Variants in TMEM59 observed in about 807,000 individuals in gnomAD.
The protein encoded by TMEM59 is dendritic cell factor 1.
In TMEM59, 44 loss-of-function variants were observed where a neutral mutation model predicts 42.2. The observed-to-expected ratio is 1.04, with a 90% CI of 0.82 to 1.34. The LOEUF is 1.34. TMEM59 is among the 40% of genes most tolerant of loss of function. The pLI is 0.00. For missense variants in TMEM59, 359 were observed against 382.8 expected (o/e 0.94, Z 0.52); for synonymous variants, 148 against 145.8 (o/e 1.02, Z -0.11).
Position 54,036,656 on chromosome 1 carries a change from C to G in TMEM59, c.770G>C (p.Cys257Ser), listed in dbSNP as rs1321320759. The stretch of plus-strand genomic sequence containing the variant: ...CACAGCTGTAGCAACAGTTGCACAA[C>G]AAATCCAAAGCAATACCATCACCGA... Reference protein sequence around the residue: ...VLSVMVLLWICCATVATAVEQ... With the variant: ...VLSVMVLLWISCATVATAVEQ... The change falls in exon 7 of 8, where the codon TGT becomes TCT. Residue 257 changes from cysteine (C) to serine (S), a missense_variant. Cys to Ser is a moderately radical substitution (Grantham distance 112). Coordinates refer to ENST00000234831, the MANE Select transcript of TMEM59 (RefSeq NM_004872.5). 6.2e-7 allele frequency: 1 copy of G among 1,609,248 alleles called. No homozygotes were observed. The highest frequency in any genetic ancestry group is 8.5e-7 in the Non-Finnish European group (1 of 1,177,602).
At chr1:54,042,358 T>G (rs1402441448) in intron 4 of TMEM59, among the ~76,000 whole-genome samples, 1 of 152,134 alleles carries the variant, frequency 6.6e-6, no homozygotes, top group African/African-American at 2.4e-5. Flanking sequence ...ACACAGACTT[T>G]AGAGAGACAC....
intron 7 of TMEM59, among the ~76,000 whole-genome samples, chr1:54,035,972 C>T (rs1015459971): frequency 6.6e-6 from 1 of 152,148 alleles, no homozygotes; most frequent in African/African-American, 2.4e-5. Context: ...TTAATTTAAA[C>T]TATTAAGTGG....
At chr1:54,053,216 G>T, upstream of TMEM59, 1 of 1,607,994 alleles carries the variant, frequency 6.2e-7, no homozygotes. Flanking sequence ...CAGCAGCTCA[G>T]CTTGTTGCTG....
chr1:54,046,674 C>G (rs981585397), intron 2 of TMEM59, among the ~76,000 whole-genome samples: 2 of 152,184 alleles, frequency 1.3e-5, no homozygotes, highest in East Asian at 3.8e-4. Flanking sequence ...GTGCCTCCTT[C>G]TACACTAATA....
At chr1:54,041,110 TAATTA>T (rs1257830563) in intron 5 of TMEM59, among the ~76,000 whole-genome samples, 1 of 152,242 alleles carries the variant, frequency 6.6e-6, no homozygotes, top group African/African-American at 2.4e-5. Context: ...TATTCTAATC[TAATTA>T]AAGTTAAAGA....
chr1:54,042,600 G>A (rs1440774728), intron 4 of TMEM59, among the ~76,000 whole-genome samples: 1 of 152,150 alleles, frequency 6.6e-6, no homozygotes, highest in South Asian at 2.1e-4. Flanking sequence ...GTACTTAAAA[G>A]GTTTACTTTA....
chr1:54,042,042 C>A, intron 4 of TMEM59, among the ~76,000 whole-genome samples: 1 of 148,308 alleles, frequency 6.7e-6, no homozygotes, highest in African/African-American at 2.5e-5. Flanking sequence ...AACTTCCTGA[C>A]AACGTTTTGT....
rs759242570 is a variant in TMEM59, at chr1:54,030,842, T to TA, written c.*1307dup. On this transcript the variant is annotated 3_prime_UTR_variant, in exon 8 of 8. Transcript: ENST00000234831. Reference sequence around the variant, plus strand: ...TAGGCCATAGGAGGAGTGACTAACTTATTCTTTAGTCAAACAGCACTGATG... The same window carrying TA: ...TAGGCCATAGGAGGAGTGACTAACTTAATTCTTTAGTCAAACAGCACTGATG... 2.0e-5 allele frequency: 3 copies of TA among 152,246 alleles called. No individual in the cohort carries two copies. Among genetic ancestry groups the TA allele is most frequent in the Non-Finnish European group, 4.4e-5 (3 of 68,044 alleles). 9.4% of individuals were successfully genotyped at this position (152,246 alleles called of 1,614,324 possible).
intron 5 of TMEM59, 88 bp from the exon 6 acceptor site, chr1:54,040,925 G>T: frequency 9.8e-7 from 1 of 1,018,526 alleles, no homozygotes; most frequent in Non-Finnish European, 1.5e-6. Context: ...ACACTTTACA[G>T]ATATCCAATT....
intron 1 of TMEM59, among the ~76,000 whole-genome samples, chr1:54,050,058 AT>A (rs2100335678): frequency 6.6e-6 from 1 of 152,284 alleles, no homozygotes; most frequent in African/African-American, 2.4e-5. Context: ...AAAAATAACT[AT>A]TTACAAACAG....
chr1:54,037,454 G>A (rs978891906), intron 6 of TMEM59, among the ~76,000 whole-genome samples: 1 of 152,170 alleles, frequency 6.6e-6, no homozygotes, highest in African/African-American at 2.4e-5. Flanking sequence ...TTGAACTCAT[G>A]GGCGCAAGCC....
At chr1:54,049,598 C>T (rs1450031942) in intron 1 of TMEM59, among the ~76,000 whole-genome samples, 1 of 152,124 alleles carries the variant, frequency 6.6e-6, no homozygotes, top group Non-Finnish European at 1.5e-5. Context: ...GTTTATATAA[C>T]ATGTATCTCC....
intron 6 of TMEM59, among the ~76,000 whole-genome samples, chr1:54,039,608 C>T (rs1023926544): frequency 2.0e-5 from 3 of 151,970 alleles, no homozygotes; most frequent in Admixed American, 1.3e-4. Flanking sequence ...ATGATAAAAC[C>T]TCTCAAGAAA....
intron 6 of TMEM59, among the ~76,000 whole-genome samples, chr1:54,039,532 T>C (rs922069450): frequency 6.6e-6 from 1 of 152,228 alleles, no homozygotes; most frequent in East Asian, 1.9e-4. Context: ...TTTTCTCACA[T>C]AGTCTTTAAA....
intron 4 of TMEM59, 126 bp downstream of exon 4, chr1:54,043,247 G>A: frequency 1.2e-6 from 1 of 860,920 alleles, no homozygotes; most frequent in East Asian, 3.5e-5. Context: ...GGCCAAATAA[G>A]TAATTATTAT....
At chr1:54,040,431 G>A (rs1392293104) in intron 6 of TMEM59, among the ~76,000 whole-genome samples, 1 of 152,142 alleles carries the variant, frequency 6.6e-6, no homozygotes, top group Non-Finnish European at 1.5e-5. Context: ...GGGATTACAG[G>A]CATGAGCCAC....
At chr1:54,032,328 A>G (rs542570472) in intron 7 of TMEM59, 23 bp from the exon 8 acceptor site, 7 of 1,549,794 alleles carry the variant, frequency 4.5e-6, no homozygotes, top group Middle Eastern at 1.9e-4. Context: ...ACCAATGTAC[A>G]TTAGTAGTCT....
chr1:54,045,187 T>C (rs116050768), intron 3 of TMEM59, among the ~76,000 whole-genome samples: 2,297 of 152,260 alleles, frequency 0.015, 57 homozygotes, highest in African/African-American at 0.052. Flanking sequence ...TAAATCTATA[T>C]GTAATTGGGA....
chr1:54,049,340 A>AT (rs1307184902), intron 1 of TMEM59, among the ~76,000 whole-genome samples: 2 of 152,228 alleles, frequency 1.3e-5, no homozygotes, highest in Non-Finnish European at 2.9e-5. Flanking sequence ...AGAATTATAT[A>AT]TTTATATCTA....
Sources: allele counts gnomAD v4.1 joint callset (sites outside exome capture counted in the v4.1 genomes callset), GRCh38; gene constraint gnomAD v4.1.1; transcripts MANE v1.5; gene names NCBI Gene and HGNC (gene_info 2026-07-23, HGNC 2026-07-21).